The following PIBF1 variants were observed in gnomAD, a reference collection of about 807,000 sequenced individuals.
PIBF1 encodes the protein progesterone-induced-blocking factor 1.
In PIBF1, 90 loss-of-function variants were observed where a neutral mutation model predicts 112.5. The ratio of observed to expected loss-of-function variants is 0.80; its 90% CI spans 0.67 to 0.95. PIBF1 has a LOEUF of 0.95. Among genes scored for constraint, PIBF1 ranks in the 40% least tolerant of loss-of-function variants. The pLI is 0.00. For synonymous variants in PIBF1, 301 were observed against 288.6 expected (o/e 1.04, Z -0.44); for missense variants, 915 against 852.3 (o/e 1.07, Z -0.92).
At chr13:72,785,849 A>G (rs1402945195) in intron 2 of PIBF1, among the ~76,000 whole-genome samples, 2 of 152,096 alleles carry the variant, frequency 1.3e-5, no homozygotes, top group South Asian at 4.1e-4. Flanking sequence ...CTCTTGTATT[A>G]TTTGTTTTCA....
intron 9 of PIBF1, among the ~76,000 whole-genome samples, 199 bp from the exon 10 acceptor site, chr13:72,853,858 A>G (rs1046057080): frequency 6.6e-6 from 1 of 152,174 alleles, no homozygotes; most frequent in Non-Finnish European, 1.5e-5. Flanking sequence ...GGTGTGACAT[A>G]GAGATAGACC....
chr13:72,937,630 G>C (rs1406182158), intron 14 of PIBF1, among the ~76,000 whole-genome samples: 1 of 152,048 alleles, frequency 6.6e-6, no homozygotes, highest in East Asian at 1.9e-4. Context: ...AACCAGCCTG[G>C]CCAACATGGC....
chr13:72,785,289 ATTTG>A (rs1224148935), intron 2 of PIBF1, among the ~76,000 whole-genome samples: 3 of 152,122 alleles, frequency 2.0e-5, no homozygotes, highest in Non-Finnish European at 4.4e-5. Flanking sequence ...ATCGGACTGA[ATTTG>A]TTTGTTATTT....
chr13:72,919,898 C>T (rs1376488256), intron 13 of PIBF1, among the ~76,000 whole-genome samples: 1 of 152,032 alleles, frequency 6.6e-6, no homozygotes, highest in Non-Finnish European at 1.5e-5. Context: ...TACCTGAGCT[C>T]AAGAGGTCGA....
At chr13:72,884,918 TTTAG>T (rs1240547116) in intron 10 of PIBF1, among the ~76,000 whole-genome samples, 2 of 152,150 alleles carry the variant, frequency 1.3e-5, no homozygotes, top group Non-Finnish European at 2.9e-5. Context: ...TATTATGTGA[TTTAG>T]TTCTTATTAT....
intron 9 of PIBF1, among the ~76,000 whole-genome samples, chr13:72,853,425 A>G (rs2038262287): frequency 6.6e-6 from 1 of 152,186 alleles, no homozygotes; most frequent in Admixed American, 6.5e-5. Context: ...TCTGCCACTG[A>G]AAAGTGCTGT....
At chr13:72,927,846 TTTG>T (rs2041539260) in intron 13 of PIBF1, among the ~76,000 whole-genome samples, 1 of 149,456 alleles carries the variant, frequency 6.7e-6, no homozygotes, top group Non-Finnish European at 1.5e-5. Flanking sequence ...TATATTATCT[TTTG>T]TTCTTTTCTG....
intron 2 of PIBF1, 28 bp from the exon 3 acceptor site, chr13:72,792,419 T>C: frequency 7.8e-7 from 1 of 1,285,488 alleles, no homozygotes; most frequent in Non-Finnish European, 1.1e-6. Flanking sequence ...TGACAAATCA[T>C]ATAATTTATC....
chr13:72,903,688 A>T (rs2040585272), intron 11 of PIBF1, among the ~76,000 whole-genome samples: 1 of 152,204 alleles, frequency 6.6e-6, no homozygotes, highest in African/African-American at 2.4e-5. Context: ...CAGAGCATAC[A>T]CATCCTTACT....
intron 13 of PIBF1, among the ~76,000 whole-genome samples, chr13:72,929,127 A>T (rs1363978890): frequency 6.6e-6 from 1 of 152,076 alleles, no homozygotes; most frequent in African/African-American, 2.4e-5. Flanking sequence ...ACAAAAAGAT[A>T]AAAAAAAGTT....
At chr13:72,974,858 GT>G (rs1038782578) in intron 16 of PIBF1, among the ~76,000 whole-genome samples, 1 of 152,072 alleles carries the variant, frequency 6.6e-6, no homozygotes, top group Non-Finnish European at 1.5e-5. Flanking sequence ...GTATGTTTAA[GT>G]TTATAAGCAA....
chr13:72,852,087 T>A (rs2038186419), intron 9 of PIBF1, among the ~76,000 whole-genome samples: 1 of 152,172 alleles, frequency 6.6e-6, no homozygotes, highest in African/African-American at 2.4e-5. Flanking sequence ...GGACACAGGA[T>A]GAGAACTTGG....
intron 16 of PIBF1, among the ~76,000 whole-genome samples, chr13:72,979,161 C>T (rs1023455298): frequency 2.6e-5 from 4 of 152,150 alleles, no homozygotes; most frequent in Admixed American, 1.3e-4. Flanking sequence ...CACCACTGCC[C>T]TCCAGCTTGG....
At chr13:72,957,756 T>G (rs2042488030) in intron 14 of PIBF1, among the ~76,000 whole-genome samples, 1 of 151,558 alleles carries the variant, frequency 6.6e-6, no homozygotes. Context: ...CTGGGCAATA[T>G]AGCAAGACCC....
chr13:72,844,085 T>C (rs1256770508), intron 9 of PIBF1, among the ~76,000 whole-genome samples: 1 of 152,222 alleles, frequency 6.6e-6, no homozygotes, highest in Non-Finnish European at 1.5e-5. Flanking sequence ...CTCAACACTT[T>C]ACATACGTTG....
intron 16 of PIBF1, among the ~76,000 whole-genome samples, chr13:72,994,535 C>A (rs966709246): frequency 3.3e-5 from 5 of 152,110 alleles, no homozygotes; most frequent in African/African-American, 9.7e-5. Flanking sequence ...TAGTCACATT[C>A]TCTGCAATAA....
At chr13:72,953,587 A>G (rs967723857) in intron 14 of PIBF1, among the ~76,000 whole-genome samples, 9 of 152,154 alleles carry the variant, frequency 5.9e-5, no homozygotes, top group Non-Finnish European at 1.3e-4. Flanking sequence ...CTTAGTTACA[A>G]ATAACCTTAG....
chr13:72,940,380 T>A (rs1383922843), intron 14 of PIBF1, among the ~76,000 whole-genome samples: 1 of 152,152 alleles, frequency 6.6e-6, no homozygotes, highest in Non-Finnish European at 1.5e-5. Flanking sequence ...GTCTTTTAGG[T>A]CTCTCCTTAA....
rs2034408140 is a variant in PIBF1 at position 72,783,424 on chromosome 13, A to G, written c.-46A>G. On this transcript the variant is annotated splice_region_variant and 5_prime_UTR_variant, in exon 2 of 18. Transcript: ENST00000326291. ...GAATTAATGTTTTTTAACCTACAGA[A>G]TATTAAAATCAAATTAGAGAAGAAA... 7.8e-7 allele frequency: 1 copy of G among 1,282,320 alleles called. No homozygotes were observed. The highest frequency in any genetic ancestry group is 1.5e-5 in the African/African-American group (1 of 66,924). 79.4% of individuals were successfully genotyped at this position (1,282,320 alleles called of 1,614,324 possible).
Sources: gnomAD v4.1 joint callset for allele counts (sites outside exome capture counted in the v4.1 genomes callset) on GRCh38, gnomAD v4.1.1 for gene constraint, MANE v1.5 for transcripts, NCBI Gene and HGNC (gene_info 2026-07-23, HGNC 2026-07-21) for gene names.